Variants in GALNT2 observed in about 807,000 individuals in gnomAD.
GALNT2 encodes polypeptide N-acetylgalactosaminyltransferase 2.
A neutral mutation model predicts 81.4 loss-of-function variants in GALNT2; 31 were observed. The observed-to-expected ratio is 0.38, with a 90% CI of 0.29 to 0.51. GALNT2 has a LOEUF of 0.51. Among genes scored for constraint, GALNT2 ranks in the 20% least tolerant of loss-of-function variants. The pLI, the probability that GALNT2 is intolerant of heterozygous loss-of-function variation, is 0.87. For missense variants in GALNT2, 629 were observed against 765.7 expected (o/e 0.82, Z 2.11); for synonymous variants, 303 against 287.4 (o/e 1.05, Z -0.55).
intron 11 of GALNT2, chr1:230,262,323 C>G (rs1665901130): frequency 2.1e-6 from 1 of 468,130 alleles, no homozygotes; most frequent in Non-Finnish European, 3.8e-6. Context: ...GCCTTTTGCC[C>G]TTTGACCATC....
At chr1:230,266,740 G>A (rs1256773900) in intron 14 of GALNT2, among the ~76,000 whole-genome samples, 1 of 152,096 alleles carries the variant, frequency 6.6e-6, no homozygotes, top group Admixed American at 6.5e-5. Flanking sequence ...AGGTAGCCAG[G>A]GCCTGGCCCT....
chr1:230,074,075 G>A (rs1423286835), intron 1 of GALNT2, among the ~76,000 whole-genome samples: 1 of 147,360 alleles, frequency 6.8e-6, no homozygotes, highest in Admixed American at 6.9e-5. Context: ...CTTAACTCTG[G>A]CACCATTGAC....
intron 1 of GALNT2, 107 bp from the exon 2 acceptor site, chr1:230,178,111 C>G: frequency 3.8e-6 from 3 of 792,338 alleles, no homozygotes; most frequent in Non-Finnish European, 6.1e-6. Flanking sequence ...ATCAGTGCAT[C>G]CCCAGGGCCA....
chr1:230,176,602 C>T (rs1225070025), intron 1 of GALNT2, among the ~76,000 whole-genome samples: 3 of 152,152 alleles, frequency 2.0e-5, no homozygotes, highest in African/African-American at 4.8e-5. Flanking sequence ...TTGCTGATTT[C>T]GTATTCACAT....
chr1:230,199,958 C>G (rs975325236), intron 2 of GALNT2, among the ~76,000 whole-genome samples: 2 of 152,144 alleles, frequency 1.3e-5, no homozygotes, highest in African/African-American at 4.8e-5. Context: ...GTTTCCCAGT[C>G]TAGATAAGAT....
intron 1 of GALNT2, among the ~76,000 whole-genome samples, chr1:230,151,236 T>C (rs1461029213): frequency 1.3e-5 from 2 of 152,240 alleles, no homozygotes; most frequent in Non-Finnish European, 2.9e-5. Flanking sequence ...GATGTCCTCC[T>C]GGAGGGAAGG....
At chr1:230,173,077 T>C (rs543784933) in intron 1 of GALNT2, among the ~76,000 whole-genome samples, 7 of 151,728 alleles carry the variant, frequency 4.6e-5, no homozygotes, top group African/African-American at 1.7e-4. Flanking sequence ...GATACATAAT[T>C]TTGAACCAGA....
intron 3 of GALNT2, 38 bp downstream of exon 3, chr1:230,203,328 G>A (rs1663965677): frequency 1.9e-6 from 3 of 1,605,812 alleles, no homozygotes; most frequent in African/African-American, 1.3e-5. Flanking sequence ...AGCTTCATTT[G>A]CTTTCACACA....
At chr1:230,117,973 C>T (rs1436902597) in intron 1 of GALNT2, among the ~76,000 whole-genome samples, 1 of 152,212 alleles carries the variant, frequency 6.6e-6, no homozygotes, top group African/African-American at 2.4e-5. Flanking sequence ...TATGGAATAG[C>T]TTCGCTGCCC....
At chr1:230,097,535 T>C (rs1038156727) in intron 1 of GALNT2, among the ~76,000 whole-genome samples, 14 of 152,250 alleles carry the variant, frequency 9.2e-5, no homozygotes, top group Non-Finnish European at 1.6e-4. Flanking sequence ...CTTAACATAA[T>C]GTCCTCAAGA....
chr1:230,067,437 C>T (rs1659228914), intron 1 of GALNT2, 31 bp downstream of exon 1: 3 of 921,100 alleles, frequency 3.3e-6, no homozygotes, highest in Non-Finnish European at 4.2e-6. Context: ...CGGCCGGGCC[C>T]CTGCGCCCAC....
chr1:230,137,713 T>C (rs1342005113), intron 1 of GALNT2, among the ~76,000 whole-genome samples: 1 of 152,186 alleles, frequency 6.6e-6, no homozygotes, highest in Non-Finnish European at 1.5e-5. Flanking sequence ...CGAGTCCAGC[T>C]CTAGATTGCA....
chr1:230,075,698 A>G (rs1366077321), intron 1 of GALNT2, among the ~76,000 whole-genome samples: 1 of 152,182 alleles, frequency 6.6e-6, no homozygotes, highest in Non-Finnish European at 1.5e-5. Context: ...GGCTGCGGGG[A>G]GCCAGACAGT....
At chr1:230,126,084 C>T (rs1243638454) in intron 1 of GALNT2, among the ~76,000 whole-genome samples, 4 of 152,176 alleles carry the variant, frequency 2.6e-5, no homozygotes, top group Non-Finnish European at 4.4e-5. Context: ...GCAGGGAGGC[C>T]TTTTGGAACA....
intron 2 of GALNT2, among the ~76,000 whole-genome samples, chr1:230,189,349 C>T (rs1663443262): frequency 6.6e-6 from 1 of 152,122 alleles, no homozygotes; most frequent in African/African-American, 2.4e-5. Context: ...GCTGTTGGTT[C>T]AGTTACCCCA....
intron 13 of GALNT2, 149 bp downstream of exon 13, chr1:230,263,154 T>G (rs1303029617): frequency 1.5e-6 from 1 of 649,064 alleles, no homozygotes; most frequent in East Asian, 2.7e-5. Flanking sequence ...CACTCCATGG[T>G]GTGGAGCTGA....
intron 1 of GALNT2, among the ~76,000 whole-genome samples, chr1:230,072,161 A>G (rs2102743377): frequency 6.6e-6 from 1 of 151,572 alleles, no homozygotes; most frequent in Non-Finnish European, 1.5e-5. Context: ...CAGAAAAATG[A>G]TGGGAGAGGG....
At chr1:230,109,318 T>C (rs1289731965) in intron 1 of GALNT2, among the ~76,000 whole-genome samples, 2 of 152,096 alleles carry the variant, frequency 1.3e-5, no homozygotes, top group Non-Finnish European at 2.9e-5. Flanking sequence ...CCCTGCAGGC[T>C]CCCTCGGGGT....
chr1:230,097,304 A>C (rs963841672), intron 1 of GALNT2, among the ~76,000 whole-genome samples: 3 of 152,166 alleles, frequency 2.0e-5, no homozygotes, highest in African/African-American at 7.2e-5. Context: ...AGTGGTATTA[A>C]GTACATTCAT....
Sources: gnomAD v4.1 joint callset for allele counts (sites outside exome capture counted in the v4.1 genomes callset) on GRCh38, gnomAD v4.1.1 for gene constraint, MANE v1.5 for transcripts, NCBI Gene and HGNC (gene_info 2026-07-23, HGNC 2026-07-21) for gene names.